SRFBP1: variants seen among roughly 807,000 people sequenced by gnomAD.
The protein encoded by SRFBP1 is serum response factor-binding protein 1.
A neutral mutation model predicts 45.5 loss-of-function variants in SRFBP1; 47 were observed. The observed-to-expected ratio is 1.03, with a 90% CI of 0.82 to 1.32. The LOEUF is 1.32. SRFBP1 is among the 40% of genes most tolerant of loss of function. The pLI, the probability that SRFBP1 is intolerant of heterozygous loss-of-function variation, is 0.00. For missense variants in SRFBP1, 621 were observed against 484.6 expected (o/e 1.28, Z -2.64); for synonymous variants, 203 against 166.3 (o/e 1.22, Z -1.70).
intron 4 of SRFBP1, among the ~76,000 whole-genome samples, chr5:122,004,440 C>G (rs190678361): frequency 2.4e-4 from 36 of 152,060 alleles, no homozygotes; most frequent in African/African-American, 8.4e-4. Flanking sequence ...GCCATAAATG[C>G]GTGGATTTAT....
intron 4 of SRFBP1, among the ~76,000 whole-genome samples, chr5:121,999,553 A>G (rs1001611138): frequency 1.3e-5 from 2 of 151,948 alleles, no homozygotes; most frequent in African/African-American, 4.8e-5. Context: ...ACCTCCATCT[A>G]TGAATGTCAG....
In SRFBP1 at chr5:122,027,122, ATTGATTAGTGCCTCTTTC is replaced by A. The variant is rs1177341584; in HGVS notation, c.1288_*15del. 1 of 1,599,600 alleles carries A rather than the reference ATTGATTAGTGCCTCTTTC, an allele frequency of 6.3e-7. No homozygotes were observed. The highest frequency in any genetic ancestry group is 8.5e-7 in the Non-Finnish European group (1 of 1,174,974). ...CAGGGGAAAAAAATTACGTTTGATG[ATTGATTAGTGCCTCTTTC>A]TGCAAACTTTTCCATCTAAAAAAAA... On this transcript the variant is annotated stop_lost and 3_prime_UTR_variant, in exon 8 of 8. Transcript: ENST00000339397.
At chr5:121,992,982 C>G (rs1316659232) in intron 3 of SRFBP1, among the ~76,000 whole-genome samples, 1 of 152,106 alleles carries the variant, frequency 6.6e-6, no homozygotes, top group Non-Finnish European at 1.5e-5. Context: ...CTCGTGTCTT[C>G]TACCGACATC....
At chr5:122,055,112 A>G (rs973075131) in intron 2 of SRFBP1, among the ~76,000 whole-genome samples, 20 of 152,218 alleles carry the variant, frequency 1.3e-4, no homozygotes, top group African/African-American at 4.6e-4. Context: ...TTTCTTTTTC[A>G]CGGTTCTGGA....
At chr5:122,074,991 C>T (rs1754575709) in intron 2 of SRFBP1, among the ~76,000 whole-genome samples, 1 of 152,208 alleles carries the variant, frequency 6.6e-6, no homozygotes, top group African/African-American at 2.4e-5. Flanking sequence ...TCCTTCTGAG[C>T]TGATGGGATG....
intron 2 of SRFBP1, chr5:122,066,472 A>G: frequency 2.7e-6 from 1 of 363,856 alleles, no homozygotes; most frequent in South Asian, 9.0e-5. Context: ...ATTTCTTTGA[A>G]AGAGTCAAAT....
chr5:122,006,399 G>A (rs1038090195), intron 4 of SRFBP1, among the ~76,000 whole-genome samples: 5 of 152,020 alleles, frequency 3.3e-5, no homozygotes, highest in Non-Finnish European at 7.4e-5. Flanking sequence ...TCTCACTGGA[G>A]ACCTTTGACC....
intron 4 of SRFBP1, among the ~76,000 whole-genome samples, chr5:122,012,046 A>G (rs973867230): frequency 7.2e-5 from 11 of 152,146 alleles, no homozygotes; most frequent in African/African-American, 2.7e-4. Context: ...GTTATCTCAG[A>G]GTTGAAAACT....
chr5:122,020,914 T>C, intron 6 of SRFBP1, 112 bp downstream of exon 6: 1 of 1,016,560 alleles, frequency 9.8e-7, no homozygotes. Flanking sequence ...CAACCCATCC[T>C]GTTTTTAGAC....
intron 2 of SRFBP1, among the ~76,000 whole-genome samples, chr5:122,050,629 T>G (rs1186647197): frequency 2.0e-5 from 3 of 152,268 alleles, no homozygotes; most frequent in Admixed American, 1.3e-4. Context: ...TAATTGTGTT[T>G]ATTTGGATCT....
downstream of SRFBP1, chr5:122,077,154 A>C: frequency 6.8e-7 from 1 of 1,465,068 alleles, no homozygotes; most frequent in Non-Finnish European, 9.0e-7. This position sits in a 1 kb window ranked among gnomAD's most constrained non-coding sequence, Gnocchi z 4.9. Flanking sequence ...GACGCCCGGG[A>C]CTGCAAAGCA....
intron 1 of SRFBP1, among the ~76,000 whole-genome samples, chr5:121,972,346 C>T (rs1460244775): frequency 2.0e-5 from 3 of 151,852 alleles, no homozygotes; most frequent in Non-Finnish European, 4.4e-5. Flanking sequence ...TAATTATTTT[C>T]TCCACACGAT....
chr5:122,011,997 G>A (rs1392182328), intron 4 of SRFBP1, among the ~76,000 whole-genome samples: 1 of 152,126 alleles, frequency 6.6e-6, no homozygotes, highest in Non-Finnish European at 1.5e-5. Context: ...GCAATTTATA[G>A]TGTAAAAAAC....
intron 2 of SRFBP1, among the ~76,000 whole-genome samples, chr5:122,048,331 A>G (rs1199120317): frequency 1.3e-5 from 2 of 152,130 alleles, no homozygotes; most frequent in Non-Finnish European, 2.9e-5. Flanking sequence ...GGTTCTGTTT[A>G]TATGCTGGAT....
At chr5:122,037,231 G>A (rs1753708131) in intron 2 of SRFBP1, among the ~76,000 whole-genome samples, 2 of 152,144 alleles carry the variant, frequency 1.3e-5, no homozygotes, top group African/African-American at 2.4e-5. Flanking sequence ...GAGCCTCAGG[G>A]TGGTCTTAGG....
chr5:121,967,835 T>C (rs1752105627), intron 1 of SRFBP1, among the ~76,000 whole-genome samples: 1 of 152,210 alleles, frequency 6.6e-6, no homozygotes, highest in Non-Finnish European at 1.5e-5. Flanking sequence ...CCAGACCTTG[T>C]TTCGAACAAA....
intron 3 of SRFBP1, among the ~76,000 whole-genome samples, chr5:121,988,733 G>A (rs1279426114): frequency 6.6e-6 from 1 of 152,142 alleles, no homozygotes; most frequent in Non-Finnish European, 1.5e-5. Flanking sequence ...GATCAGATTG[G>A]TACCTTGTGG....
intron 3 of SRFBP1, among the ~76,000 whole-genome samples, chr5:121,992,964 C>G (rs906228337): frequency 1.3e-5 from 2 of 151,992 alleles, no homozygotes; most frequent in Admixed American, 6.6e-5. Flanking sequence ...TGTCTCCGAC[C>G]CAGGAGCCTC....
intron 1 of SRFBP1, among the ~76,000 whole-genome samples, chr5:121,965,881 A>T: frequency 6.6e-6 from 1 of 152,082 alleles, no homozygotes; most frequent in East Asian, 1.9e-4. Context: ...AGTGGTTTGT[A>T]GTTCTTGAAG....
Sources: gnomAD v4.1 joint callset for allele counts (sites outside exome capture counted in the v4.1 genomes callset) on GRCh38, gnomAD v4.1.1 for gene constraint, Gnocchi (gnomAD v3.1) non-coding constraint, MANE v1.5 for transcripts, NCBI Gene and HGNC (gene_info 2026-07-23, HGNC 2026-07-21) for gene names.